ATXN1: variants seen among roughly 807,000 people sequenced by gnomAD.
ATXN1 encodes ataxin-1.
ATXN1 carries 8 observed loss-of-function variants against 56.4 expected under a neutral mutation model. The observed-to-expected ratio is 0.14, with a 90% CI of 0.08 to 0.26. The LOEUF is 0.26. Ranked by LOEUF, ATXN1 falls within the 10% of genes least tolerant of loss-of-function variation. The pLI, the probability that ATXN1 is intolerant of heterozygous loss-of-function variation, is 1.00. For missense variants in ATXN1, 987 were observed against 1,106.5 expected (o/e 0.89, Z 1.53); for synonymous variants, 514 against 494.6 (o/e 1.04, Z -0.52).
At chr6:16,507,275 T>C (rs1760997279) in intron 5 of ATXN1, among the ~76,000 whole-genome samples, 1 of 152,222 alleles carries the variant, frequency 6.6e-6, no homozygotes, top group African/African-American at 2.4e-5. Context: ...AGAAATTCTC[T>C]GCACTATAGA....
intron 2 of ATXN1, among the ~76,000 whole-genome samples, chr6:16,693,759 A>G (rs1759098594): frequency 6.6e-6 from 1 of 152,228 alleles, no homozygotes; most frequent in Non-Finnish European, 1.5e-5. Context: ...TATGAAGTGT[A>G]TTTAATTATA....
At chr6:16,371,760 G>A (rs1762047189) in intron 6 of ATXN1, among the ~76,000 whole-genome samples, 1 of 150,146 alleles carries the variant, frequency 6.7e-6, no homozygotes. Flanking sequence ...ATTTTTTTCA[G>A]TAGAGATTGG....
intron 3 of ATXN1, among the ~76,000 whole-genome samples, chr6:16,622,708 T>C (rs1478843812): frequency 6.6e-6 from 1 of 152,172 alleles, no homozygotes; most frequent in African/African-American, 2.4e-5. Flanking sequence ...CTGCCAGTAG[T>C]GTGTATGTGA....
At chr6:16,530,407 T>A (rs575206782) in intron 4 of ATXN1, among the ~76,000 whole-genome samples, 1 of 152,338 alleles carries the variant, frequency 6.6e-6, no homozygotes, top group South Asian at 2.1e-4. Flanking sequence ...TGCCCATCAC[T>A]TCACTCAAAA....
At chr6:16,354,753 A>G (rs113652596) in intron 6 of ATXN1, among the ~76,000 whole-genome samples, 49 of 152,232 alleles carry the variant, frequency 3.2e-4, no homozygotes, top group Non-Finnish European at 6.0e-4. Context: ...AAAGACCAAC[A>G]GGTGCCTGAC....
intron 2 of ATXN1, among the ~76,000 whole-genome samples, chr6:16,729,814 C>A (rs1415233331): frequency 6.6e-6 from 1 of 152,184 alleles, no homozygotes; most frequent in African/African-American, 2.4e-5. Context: ...TGATTCCTGA[C>A]ACAGAGAAAA....
chr6:16,385,609 T>G (rs1365795460), intron 6 of ATXN1, among the ~76,000 whole-genome samples: 1 of 152,198 alleles, frequency 6.6e-6, no homozygotes, highest in Non-Finnish European at 1.5e-5. Context: ...TGCCTTAATT[T>G]CTCGTTTTAC....
intron 2 of ATXN1, among the ~76,000 whole-genome samples, chr6:16,676,356 G>A (rs1221610493): frequency 6.6e-6 from 1 of 152,104 alleles, no homozygotes; most frequent in Non-Finnish European, 1.5e-5. Flanking sequence ...ATATAACACA[G>A]TTGTATAAAA....
Position 16,760,064 on chromosome 6 carries a change from T to TCC in ATXN1, c.-730+1232_-730+1233dup, listed in dbSNP as rs756761568. On this transcript the variant is annotated intron_variant, in intron 1 of 7. Coordinates refer to ENST00000436367, the MANE Select transcript of ATXN1 (RefSeq NM_001128164.2). This position sits in a 1 kb window ranked among gnomAD's most constrained non-coding sequence, Gnocchi z 5.3. ...GCTCCGACACCGCCTCACCTCTCGCTCCGCCCGTCCGGCCCCCTTCCCTGC... is the reference window on the plus strand; with the variant it reads ...GCTCCGACACCGCCTCACCTCTCGCTCCCCGCCCGTCCGGCCCCCTTCCCTGC... Among the ~76,000 whole-genome samples, 41 of 151,310 alleles carry TCC rather than the reference T, an allele frequency of 2.7e-4. No homozygotes were observed. The highest frequency in any genetic ancestry group is 4.6e-4 in the Admixed American group (7 of 15,242).
At chr6:16,333,264 C>T (rs967369734) in intron 6 of ATXN1, among the ~76,000 whole-genome samples, 2 of 152,194 alleles carry the variant, frequency 1.3e-5, no homozygotes, top group Admixed American at 6.5e-5. Context: ...AAATTTTATA[C>T]ACAACTCAAT....
chr6:16,578,306 T>C (rs539773828), intron 4 of ATXN1, among the ~76,000 whole-genome samples: 2 of 152,362 alleles, frequency 1.3e-5, no homozygotes, highest in South Asian at 2.1e-4. Context: ...TCTAACTATG[T>C]TGACAAATCT....
Position 16,579,722 on chromosome 6 carries a change from G to A in ATXN1, c.-361+6058C>T, listed in dbSNP as rs1291314292. On this transcript the variant is annotated intron_variant, in intron 4 of 7. Coordinates refer to ENST00000436367, the MANE Select transcript of ATXN1 (RefSeq NM_001128164.2). ...AAAAATACAGGGTGTTGAACAGAGG[G>A]GGAACAGAACACAGTAGATACAGTA... 2.0e-5 allele frequency among the ~76,000 whole-genome samples: 3 copies of A among 152,126 alleles called. No individual in the cohort carries two copies. In the East Asian group the frequency reaches 5.8e-4, roughly 29 times the overall value.
In ATXN1 at chr6:16,306,438, C is replaced by A. The variant is rs980570197; in HGVS notation, c.2339G>T (p.Arg780Leu). 2 of 1,614,010 alleles carry A rather than the reference C, an allele frequency of 1.2e-6. No homozygotes were observed. Among genetic ancestry groups the A allele is most frequent in the Non-Finnish European group, 1.7e-6 (2 of 1,180,038 alleles). ...RKRRWSAPES[R>L]KLEKSEDEPP... Reference sequence around the variant, plus strand: ...TTCGTCTTCTGACTTCTCCAGTTTGCGGCTCTCTGGCGCCGACCACCTCCT... The same window carrying A: ...TTCGTCTTCTGACTTCTCCAGTTTGAGGCTCTCTGGCGCCGACCACCTCCT... Residue 780 changes from arginine (R) to leucine (L), a missense_variant, in exon 8 of 8, where the codon CGC becomes CTC. Physicochemically the swap from Arg to Leu is moderately radical, Grantham distance 102. Coordinates refer to ENST00000436367, the MANE Select transcript of ATXN1 (RefSeq NM_001128164.2). The surrounding 1 kb of genome is among the most constrained non-coding windows in gnomAD (Gnocchi z 5.2).
At chr6:16,654,956 A>G (rs1383488800) in intron 3 of ATXN1, among the ~76,000 whole-genome samples, 1 of 152,204 alleles carries the variant, frequency 6.6e-6, no homozygotes, top group Non-Finnish European at 1.5e-5. Flanking sequence ...AAACCCCAAT[A>G]ATGCATCACT....
chr6:16,596,849 A>G (rs1762824059), intron 3 of ATXN1, among the ~76,000 whole-genome samples: 1 of 152,190 alleles, frequency 6.6e-6, no homozygotes, highest in Non-Finnish European at 1.5e-5. Flanking sequence ...CAGAGCACAA[A>G]GAAGCTCAGC....
At chr6:16,415,217 G>T (rs1164538005) in intron 6 of ATXN1, among the ~76,000 whole-genome samples, 2 of 152,060 alleles carry the variant, frequency 1.3e-5, no homozygotes, top group Non-Finnish European at 2.9e-5. Flanking sequence ...ACAATAAGTG[G>T]TTTTTTTGTT....
intron 5 of ATXN1, among the ~76,000 whole-genome samples, chr6:16,498,066 C>T (rs1176757859): frequency 1.3e-5 from 2 of 152,168 alleles, no homozygotes; most frequent in Admixed American, 6.5e-5. Context: ...ACTCCATCCA[C>T]ATGTTGAACA....
intron 3 of ATXN1, among the ~76,000 whole-genome samples, chr6:16,613,271 CAAAAAAAAAAAAAA>C (rs765813165): frequency 5.7e-5 from 3 of 52,522 alleles, no homozygotes; most frequent in African/African-American, 2.0e-4. Flanking sequence ...GACTCCGTCT[CAAAAAAAAAAAAAA>C]AAAAAAAAAA....
At chr6:16,379,672 C>T (rs926615389) in intron 6 of ATXN1, among the ~76,000 whole-genome samples, 1 of 152,124 alleles carries the variant, frequency 6.6e-6, no homozygotes, top group Non-Finnish European at 1.5e-5. Flanking sequence ...GAGTAAAATT[C>T]AGTTGAGACT....
Sources: gnomAD v4.1 joint callset for allele counts (sites outside exome capture counted in the v4.1 genomes callset) on GRCh38, gnomAD v4.1.1 for gene constraint, Gnocchi (gnomAD v3.1) non-coding constraint, MANE v1.5 for transcripts, NCBI Gene and HGNC (gene_info 2026-07-23, HGNC 2026-07-21) for gene names.